Variants in CCBE1 observed in about 807,000 individuals in gnomAD.
CCBE1 encodes the protein collagen and calcium binding EGF domains 1.
In CCBE1, 37 loss-of-function variants were observed where a neutral mutation model predicts 50.0. The ratio of observed to expected loss-of-function variants is 0.74; its 90% CI spans 0.57 to 0.97. The LOEUF (loss-of-function observed/expected upper bound fraction) is 0.97, where lower values mean the gene tolerates loss of function less well. Ranked by LOEUF, CCBE1 falls within the 50% of genes least tolerant of loss-of-function variation. The pLI, the probability that CCBE1 is intolerant of heterozygous loss-of-function variation, is 0.00. For missense variants in CCBE1, 538 were observed against 523.8 expected, an observed-to-expected ratio of 1.03 and a Z score of -0.26; for synonymous variants, 234 against 203.7, an observed-to-expected ratio of 1.15 and a Z score of -1.27.
chr18:59,510,171 T>C (rs1914069273), intron 2 of CCBE1, among the ~76,000 whole-genome samples: 2 of 152,222 alleles, frequency 1.3e-5, no homozygotes, highest in South Asian at 4.1e-4. Flanking sequence ...GGTATCTATT[T>C]TTCCTGCAAG....
chr18:59,585,845 C>T lies in CCBE1; in HGVS notation c.213-105607G>A, dbSNP rs184990605. On this transcript the variant is annotated intron_variant, in intron 2 of 10. Coordinates refer to ENST00000439986, the MANE Select transcript of CCBE1 (RefSeq NM_133459.4). The stretch of plus-strand genomic sequence containing the variant: ...TGTCACTTAGTCAAAGTGGCATGTC[C>T]TATTTAAATAAGTTTAAGTTGCCTA... 2.3e-3 allele frequency among the ~76,000 whole-genome samples: 344 copies of T among 152,282 alleles called. 2 individuals carry two copies. The highest frequency in any genetic ancestry group is 7.8e-3 in the African/African-American group (326 of 41,566).
At chr18:59,592,957 A>G (rs2053295305) in intron 2 of CCBE1, among the ~76,000 whole-genome samples, 1 of 152,236 alleles carries the variant, frequency 6.6e-6, no homozygotes, top group Non-Finnish European at 1.5e-5. Flanking sequence ...AGATTTAAAA[A>G]GCATTTTGAA....
intron 2 of CCBE1, among the ~76,000 whole-genome samples, chr18:59,685,331 C>G (rs2054641170): frequency 6.6e-6 from 1 of 152,090 alleles, no homozygotes; most frequent in African/African-American, 2.4e-5. Flanking sequence ...CCCTGACACC[C>G]TCAAACCACC....
At chr18:59,696,737 G>T (rs764827377) in intron 1 of CCBE1, 28 bp from the exon 2 acceptor site, 1 of 1,609,114 alleles carries the variant, frequency 6.2e-7, no homozygotes, top group Admixed American at 1.7e-5. Flanking sequence ...GGAAATGTTC[G>T]ATTCTCAGCG....
intron 2 of CCBE1, among the ~76,000 whole-genome samples, chr18:59,647,714 T>C (rs1398507585): frequency 6.6e-6 from 1 of 152,208 alleles, no homozygotes; most frequent in African/African-American, 2.4e-5. Context: ...TCTAGGTACT[T>C]ATAAGGAGAG....
chr18:59,605,105 G>T (rs1460367487), intron 2 of CCBE1, among the ~76,000 whole-genome samples: 5 of 152,216 alleles, frequency 3.3e-5, no homozygotes, highest in African/African-American at 4.8e-5. Context: ...CACAGAAGGA[G>T]TGTCATCTGT....
chr18:59,567,266 C>T (rs1485481380), intron 2 of CCBE1, among the ~76,000 whole-genome samples: 2 of 151,890 alleles, frequency 1.3e-5, no homozygotes, highest in East Asian at 3.9e-4. Flanking sequence ...GGCTACCATA[C>T]CCAGCTACCC....
intron 2 of CCBE1, among the ~76,000 whole-genome samples, chr18:59,497,542 TAAGGCCACTTAGGGCAGAGAG>T (rs1392497503): frequency 1.1e-4 from 16 of 152,230 alleles, no homozygotes; most frequent in African/African-American, 3.6e-4. Context: ...ACAGAATAGA[TAAGGCCACTTAGGGCAGAGAG>T]AAGGCCACAG....
chr18:59,535,095 C>T lies in CCBE1; in HGVS notation c.213-54857G>A, dbSNP rs563050151. Among the ~76,000 whole-genome samples the T allele has an allele frequency of 2.6e-5, 4 of 152,260 alleles. No homozygotes were observed. The East Asian group carries it at 5.8e-4, about 22-fold the overall frequency. ...ATAACAGAAAGACTTGTGAAAACTG[C>T]ACTAAAATGTCTTTGATCTTAGACG... On this transcript the variant is annotated intron_variant, in intron 2 of 10. Coordinates refer to ENST00000439986, the MANE Select transcript of CCBE1 (RefSeq NM_133459.4).
chr18:59,511,592 A>G (rs542633137), intron 2 of CCBE1, among the ~76,000 whole-genome samples: 2 of 152,370 alleles, frequency 1.3e-5, no homozygotes, highest in South Asian at 4.1e-4. Flanking sequence ...CACCTTAAAC[A>G]TTTATCTTTC....
At chr18:59,446,208 G>A (rs1485777016) in intron 7 of CCBE1, among the ~76,000 whole-genome samples, 1 of 152,192 alleles carries the variant, frequency 6.6e-6, no homozygotes, top group Non-Finnish European at 1.5e-5. Context: ...CATGTTACAA[G>A]CCAGATGGCA....
chr18:59,516,534 G>A (rs1048852835), intron 2 of CCBE1, among the ~76,000 whole-genome samples: 6 of 152,136 alleles, frequency 3.9e-5, no homozygotes, highest in Non-Finnish European at 5.9e-5. Flanking sequence ...TCCACTGATA[G>A]GGGCAAAACA....
At chr18:59,689,724 T>C (rs2054704255) in intron 2 of CCBE1, among the ~76,000 whole-genome samples, 1 of 152,244 alleles carries the variant, frequency 6.6e-6, no homozygotes, top group Non-Finnish European at 1.5e-5. Context: ...TTGGGGTATT[T>C]GTCCCTAGTG....
intron 2 of CCBE1, among the ~76,000 whole-genome samples, chr18:59,499,074 A>G (rs147595244): frequency 9.8e-5 from 15 of 152,340 alleles, no homozygotes; most frequent in African/African-American, 3.6e-4. Context: ...ATTTACTCAT[A>G]CATCCTAAGC....
upstream of CCBE1, chr18:59,697,593 G>A (rs1470310979): frequency 1.9e-6 from 1 of 527,250 alleles, no homozygotes; most frequent in Non-Finnish European, 3.4e-6. Flanking sequence ...TGTCCGGCTG[G>A]CGCGAGGGCC....
chr18:59,624,629 G>T (rs1265637542), intron 2 of CCBE1, among the ~76,000 whole-genome samples: 1 of 152,042 alleles, frequency 6.6e-6, no homozygotes, highest in Non-Finnish European at 1.5e-5. Context: ...AGGTCCAAAG[G>T]GAGTCTCAGC....
intron 2 of CCBE1, among the ~76,000 whole-genome samples, chr18:59,595,552 T>C (rs2053338862): frequency 1.3e-5 from 2 of 152,214 alleles, no homozygotes; most frequent in African/African-American, 2.4e-5. Context: ...TGAGTCCCTC[T>C]AAAAGCCAGA....
intron 2 of CCBE1, among the ~76,000 whole-genome samples, chr18:59,576,784 C>A (rs528632690): frequency 6.6e-6 from 1 of 152,164 alleles, no homozygotes; most frequent in Non-Finnish European, 1.5e-5. Context: ...GAAATGCATC[C>A]GTGTGTCTGG....
intron 2 of CCBE1, among the ~76,000 whole-genome samples, chr18:59,495,076 G>A (rs537988340): frequency 4.6e-5 from 7 of 151,590 alleles, no homozygotes; most frequent in Non-Finnish European, 1.0e-4. Context: ...GGGAGGCGAA[G>A]GTTGCAGTGA....
Sources: allele counts gnomAD v4.1 joint callset (sites outside exome capture counted in the v4.1 genomes callset), GRCh38; gene constraint gnomAD v4.1.1; transcripts MANE v1.5; gene names NCBI Gene and HGNC (gene_info 2026-07-23, HGNC 2026-07-21).